The following TRAPPC9 variants were observed in gnomAD, a reference collection of about 807,000 sequenced individuals.
TRAPPC9 encodes IKK2 binding protein.
Under a neutral mutation model 124.0 loss-of-function variants are expected in TRAPPC9, and 83 were observed. That is an observed-to-expected ratio of 0.67 (90% CI 0.56 to 0.80). The LOEUF is 0.80. Among genes scored for constraint, TRAPPC9 ranks in the 30% least tolerant of loss-of-function variants. TRAPPC9 has a pLI of 0.00. For synonymous variants in TRAPPC9, 638 were observed against 617.5 expected (o/e 1.03, Z -0.49); for missense variants, 1,302 against 1,508.3 (o/e 0.86, Z 2.27).
At chr8:139,969,298 T>G (rs961291824) in intron 19 of TRAPPC9, among the ~76,000 whole-genome samples, 1 of 152,214 alleles carries the variant, frequency 6.6e-6, no homozygotes, top group Non-Finnish European at 1.5e-5. Flanking sequence ...CTGTGCTCAT[T>G]TGTACTGCAG....
chr8:139,764,635 G>A (rs1820464179), intron 21 of TRAPPC9, among the ~76,000 whole-genome samples: 1 of 152,190 alleles, frequency 6.6e-6, no homozygotes. Flanking sequence ...GAGCATGCCT[G>A]TGTTCACAAG....
chr8:140,204,148 G>A (rs1365724217), intron 17 of TRAPPC9, among the ~76,000 whole-genome samples: 1 of 152,128 alleles, frequency 6.6e-6, no homozygotes. Context: ...TTCTCACTCT[G>A]TGAGTCCAAG....
rs914402709 is a variant in TRAPPC9, at chr8:140,125,657, C to T, written c.2556+95802G>A. Among the ~76,000 whole-genome samples the T allele has an allele frequency of 5.1e-5, 7 of 137,942 alleles. No homozygotes were observed. The East Asian group carries it at 6.3e-4, about 12-fold the overall frequency. The allele number at this position is 137,942 out of a possible 152,430, so 90.5% of individuals were successfully genotyped here. ...TCACCCAGGCTGGAGTGCAGTGGCG[C>T]GATCTCGGCTCACCACAAGCTCCAC... On this transcript the variant is annotated intron_variant, in intron 17 of 22. Transcript: ENST00000438773.
At chr8:139,796,524 G>A (rs1452822536) in intron 21 of TRAPPC9, among the ~76,000 whole-genome samples, 1 of 152,166 alleles carries the variant, frequency 6.6e-6, no homozygotes, top group Non-Finnish European at 1.5e-5. Context: ...TTCTGTGCCT[G>A]GCGTTTTTCA....
chr8:139,750,780 T>C (rs1819261820), intron 21 of TRAPPC9, among the ~76,000 whole-genome samples: 1 of 152,208 alleles, frequency 6.6e-6, no homozygotes, highest in African/African-American at 2.4e-5. Flanking sequence ...GGTCCCAGCC[T>C]ATGCTGGGAT....
intron 12 of TRAPPC9, among the ~76,000 whole-genome samples, 192 bp from the exon 13 acceptor site, chr8:140,287,926 G>A (rs1019474807): frequency 2.0e-5 from 3 of 152,192 alleles, no homozygotes; most frequent in African/African-American, 2.4e-5. Flanking sequence ...AGCACTGCAG[G>A]TGCTCAGGCG....
chr8:139,769,101 C>T (rs751694611), intron 21 of TRAPPC9, among the ~76,000 whole-genome samples: 11 of 152,224 alleles, frequency 7.2e-5, no homozygotes, highest in Non-Finnish European at 1.6e-4. Context: ...GCCACACAGT[C>T]TGTAGTGCTT....
intron 17 of TRAPPC9, among the ~76,000 whole-genome samples, chr8:140,197,486 C>A (rs2131137626): frequency 6.6e-6 from 1 of 152,274 alleles, no homozygotes; most frequent in African/African-American, 2.4e-5. Flanking sequence ...TGAATTCGAA[C>A]CCCGGGGTGT....
intron 21 of TRAPPC9, among the ~76,000 whole-genome samples, chr8:139,747,046 G>C (rs1399494840): frequency 6.6e-6 from 1 of 152,246 alleles, no homozygotes; most frequent in Non-Finnish European, 1.5e-5. Context: ...GAAGCATTAT[G>C]CAAAGACAGC....
At chr8:140,259,009 T>C (rs2064334995) in intron 15 of TRAPPC9, among the ~76,000 whole-genome samples, 1 of 152,198 alleles carries the variant, frequency 6.6e-6, no homozygotes, top group Non-Finnish European at 1.5e-5. Context: ...GGTCCTGCCC[T>C]GTGGCAGCTC....
chr8:140,449,554 G>A (rs73713133), intron 2 of TRAPPC9, among the ~76,000 whole-genome samples: 1,767 of 152,324 alleles, frequency 0.012, 29 homozygotes, highest in African/African-American at 0.04. Context: ...AGGCAAGATG[G>A]GAAGCTGACC....
rs147376460 is a variant in TRAPPC9 at position 140,145,725 on chromosome 8, T to G, written c.2556+75734A>C. Reference sequence around the variant, plus strand: ...GGTTTTTGTTTTTGTTTTTGTTTTTTTTTAGTATGCTAAAATCCTAGTCAC... The same window carrying G: ...GGTTTTTGTTTTTGTTTTTGTTTTTGTTTAGTATGCTAAAATCCTAGTCAC... On this transcript the variant is annotated intron_variant, in intron 17 of 22. Transcript: ENST00000438773. Among the ~76,000 whole-genome samples, 1,019 of 152,300 alleles carry G rather than the reference T, an allele frequency of 6.7e-3. 8 individuals carry two copies. Among genetic ancestry groups the G allele is most frequent in the African/African-American group, 0.021 (864 of 41,560 alleles).
At chr8:140,181,666 G>A (rs2062207886) in intron 17 of TRAPPC9, among the ~76,000 whole-genome samples, 1 of 151,932 alleles carries the variant, frequency 6.6e-6, no homozygotes, top group Non-Finnish European at 1.5e-5. Context: ...TCATACTTGT[G>A]GTTTTATTTC....
At chr8:140,410,025 C>T (rs953994557) in intron 5 of TRAPPC9, among the ~76,000 whole-genome samples, 2 of 150,814 alleles carry the variant, frequency 1.3e-5, no homozygotes, top group Non-Finnish European at 3.0e-5. Flanking sequence ...CTGTGATTCC[C>T]AGCTACTTGG....
chr8:139,860,762 C>T (rs534839510), intron 21 of TRAPPC9, among the ~76,000 whole-genome samples: 7 of 152,356 alleles, frequency 4.6e-5, no homozygotes, highest in South Asian at 2.1e-4. Flanking sequence ...TGTCGCCGTC[C>T]GTGGGCCCTC....
Position 139,730,685 on chromosome 8 carries a change from C to T in TRAPPC9, c.*376G>A, listed in dbSNP as rs577116244. The T allele has an allele frequency of 3.5e-5, 9 of 256,302 alleles. No homozygotes were observed. Among genetic ancestry groups the T allele is most frequent in the Admixed American group, 3.0e-4 (6 of 20,148 alleles). The allele number at this position is 256,302 out of a possible 1,614,324, so 15.9% of individuals were successfully genotyped here. A position where few individuals can be genotyped will look rare whatever the true frequency, so the allele number is the denominator to read the frequency against. ...TTTCTTTCTATGGCCAAAGGGAAGTCGCTGGACGAGGGAGGTCCCTCTGCT... is the reference window on the plus strand; with the variant it reads ...TTTCTTTCTATGGCCAAAGGGAAGTTGCTGGACGAGGGAGGTCCCTCTGCT... On this transcript the variant is annotated 3_prime_UTR_variant, in exon 23 of 23. Transcript: ENST00000438773.
intron 9 of TRAPPC9, among the ~76,000 whole-genome samples, chr8:140,345,538 C>T (rs956828146): frequency 6.6e-6 from 1 of 152,218 alleles, no homozygotes; most frequent in Non-Finnish European, 1.5e-5. Flanking sequence ...TTCTCATCTC[C>T]TCGGATTGCT....
At chr8:140,451,505 T>C (rs1169676570) in intron 1 of TRAPPC9, 122 bp from the exon 2 acceptor site, 3 of 825,970 alleles carry the variant, frequency 3.6e-6, no homozygotes, top group Non-Finnish European at 6.0e-6. Flanking sequence ...AGGAAAGCCG[T>C]GGCATCAACA....
chr8:140,082,863 T>C (rs985001012), intron 17 of TRAPPC9, among the ~76,000 whole-genome samples: 1 of 152,154 alleles, frequency 6.6e-6, no homozygotes, highest in African/African-American at 2.4e-5. Context: ...ACTGCTTTTC[T>C]GGGAAGCAAT....
Sources: gnomAD v4.1 joint callset for allele counts (sites outside exome capture counted in the v4.1 genomes callset) on GRCh38, gnomAD v4.1.1 for gene constraint, MANE v1.5 for transcripts, NCBI Gene and HGNC (gene_info 2026-07-23, HGNC 2026-07-21) for gene names.